The following COG1 variants were observed in gnomAD, a reference collection of about 807,000 sequenced individuals.
COG1 encodes component of oligomeric golgi complex 1.
In COG1, 61 loss-of-function variants were observed where a neutral mutation model predicts 102.2. The ratio of observed to expected loss-of-function variants is 0.60; its 90% confidence interval spans 0.49 to 0.74. COG1 has a LOEUF of 0.74. COG1 is among the 30% of genes least tolerant of loss of function. The probability of loss-of-function intolerance (pLI) is 0.00; values close to 1 mark genes in which losing one functional copy is unlikely to be tolerated. For synonymous variants in COG1, 454 were observed against 493.6 expected (o/e 0.92, Z 1.06); for missense variants, 1,164 against 1,232.1 (o/e 0.94, Z 0.83).
In COG1 at chr17:73,200,635, G is replaced by A. The variant is rs775588977; in HGVS notation, c.1140G>A (p.Ala380=). ...LMYVKSMKGL[A]GIRDAMWELL... The stretch of plus-strand genomic sequence containing the variant: ...ACGTGAAGAGCATGAAGGGTCTCGC[G>A]GGAATCCGGGACGCCATGTGGGAGT... The change falls in exon 6 of 14, where the codon GCG becomes GCA. Residue 380 remains alanine (A), a synonymous_variant. Transcript: ENST00000299886. 1.3e-5 allele frequency: 21 copies of A among 1,614,020 alleles called. No homozygotes were observed. In the East Asian group the frequency reaches 2.9e-4, roughly 22 times the overall value.
rs1026130 is a variant in COG1, at chr17:73,201,061, T to C, written c.1282-48T>C. Reference sequence around the variant, plus strand: ...ACCATTTGGTACTTTTGTTTTGAAATGTCCTTAAAGGAACTGTGATTAGAA... The same window carrying C: ...ACCATTTGGTACTTTTGTTTTGAAACGTCCTTAAAGGAACTGTGATTAGAA... On this transcript the variant is annotated intron_variant, in intron 6 of 13. Transcript: ENST00000299886. 1,545,538 of 1,550,764 alleles carry C rather than the reference T, an allele frequency of 1. 770,302 individuals carry two copies. The highest frequency in any genetic ancestry group is 1 in the Non-Finnish European group (1,125,251 of 1,125,318).
chr17:73,197,313 C>A lies in COG1; in HGVS notation c.830C>A (p.Pro277Gln), dbSNP rs1555724840. The change falls in exon 4 of 14, where the codon CCA becomes CAA. Residue 277 changes from proline to glutamine, a missense_variant. Transcript: ENST00000299886. The stretch of plus-strand genomic sequence containing the variant: ...GCTCATGCCCTTTTCTACACTTTGC[C>A]AGAAGGACTGCTGCCAGATCCAGCC... The part of the protein sequence containing the change: ...KQAHALFYTL[P>Q]EGLLPDPALP... 4.3e-6 allele frequency: 7 copies of A among 1,614,204 alleles called. No homozygotes were observed. The highest frequency in any genetic ancestry group is 5.9e-6 in the Non-Finnish European group (7 of 1,180,038).
At chr17:73,202,299 A>G (rs2061350540) in intron 7 of COG1, among the ~76,000 whole-genome samples, 1 of 152,066 alleles carries the variant, frequency 6.6e-6, no homozygotes, top group Admixed American at 6.5e-5. Flanking sequence ...AGATCGCACC[A>G]CTGCACTCTA....
chr17:73,201,192 C>A lies in COG1; in HGVS notation c.1365C>A (p.Ser455Arg), dbSNP rs745305711. Residue 455 changes from serine (S) to arginine (R), a missense_variant, in exon 7 of 14, where the codon AGC becomes AGA. By Grantham distance (110) the Ser-to-Arg change is moderately radical. Coordinates refer to ENST00000299886, the MANE Select transcript of COG1 (RefSeq NM_018714.3). ...LVSALQELES[S>R]TSNSPSNKHI... ...CAGCTTTGCAGGAACTTGAAAGCAG[C>A]ACCAGCAACTCCCCTTCAAATAAGC... 10 of 1,614,056 alleles carry A rather than the reference C, an allele frequency of 6.2e-6. No homozygotes were observed. Among genetic ancestry groups the A allele is most frequent in the Non-Finnish European group, 8.5e-6 (10 of 1,180,018 alleles).
chr17:73,205,326 CT>C, intron 9 of COG1: 7 of 541,082 alleles, frequency 1.3e-5, no homozygotes, highest in Admixed American at 3.1e-5. Flanking sequence ...CATCTGAGGC[CT>C]TTTTTAAGGG....
At chr17:73,200,219 A>C (rs1336991910) in intron 5 of COG1, among the ~76,000 whole-genome samples, 198 bp downstream of exon 5, 1 of 152,210 alleles carries the variant, frequency 6.6e-6, no homozygotes, top group Non-Finnish European at 1.5e-5. Context: ...ACCAAGAAGG[A>C]ATTTGTCTTT....
intron 6 of COG1, 121 bp downstream of exon 6, chr17:73,200,897 G>T: frequency 9.7e-7 from 1 of 1,033,304 alleles, no homozygotes; most frequent in Middle Eastern, 2.9e-4. Context: ...AACAGATCCA[G>T]AGTCTAGAGC....
chr17:73,199,190 G>C (rs1031495330), intron 4 of COG1, among the ~76,000 whole-genome samples: 1 of 152,202 alleles, frequency 6.6e-6, no homozygotes, highest in African/African-American at 2.4e-5. Flanking sequence ...GGTCACCTCT[G>C]AAGAGCTATG....
At chr17:73,195,631 AG>A (rs538321761) in intron 1 of COG1, among the ~76,000 whole-genome samples, 1 of 150,270 alleles carries the variant, frequency 6.7e-6, no homozygotes. Flanking sequence ...AAAAAAAAAA[AG>A]GCTGGGCGCG....
Position 73,200,097 on chromosome 17 carries a change from C to T in COG1, c.1070+76C>T, listed in dbSNP as rs149363196. The T allele has an allele frequency of 3.9e-3, 5,926 of 1,508,950 alleles. 24 individuals carry two copies. Among genetic ancestry groups the T allele is most frequent in the Non-Finnish European group, 4.7e-3 (5,165 of 1,107,362 alleles). The allele number at this position is 1,508,950 out of a possible 1,614,324, so 93.5% of individuals were successfully genotyped here. ...GCCTTGTACGGGGCATTACAAGGGT[C>T]AGCGAGGCATGTGCAGAAAGCCTGT... On this transcript the variant is annotated intron_variant, in intron 5 of 13. Transcript: ENST00000299886.
intron 11 of COG1, 144 bp downstream of exon 11, chr17:73,206,406 C>T (rs943002930): frequency 6.9e-5 from 53 of 763,254 alleles, no homozygotes; most frequent in South Asian, 1.0e-4. Context: ...GTTATAAGGA[C>T]TGAAAGAGGA....
At position 73,205,560 on chromosome 17, in the gene COG1, G is replaced by T; in HGVS notation, c.2390G>T (p.Gly797Val). 1 of 1,614,138 alleles carries T rather than the reference G, an allele frequency of 6.2e-7. No homozygotes were observed. Among genetic ancestry groups the T allele is most frequent in the African/African-American group, 1.3e-5 (1 of 75,036 alleles). ...CTGGGAATTCATTTGCAGAAAGAAG[G>T]TGCATTTCCAGTCACCCAGAACCGG... ...LSEEKQIKKE[G>V]AFPVTQNRAL... The change falls in exon 10 of 14, where the codon GGT becomes GTT. Residue 797 changes from glycine to valine, a missense_variant. Physicochemically the swap from Gly to Val is moderately radical, Grantham distance 109 (BLOSUM62 -3). Coordinates refer to ENST00000299886, the MANE Select transcript of COG1 (RefSeq NM_018714.3).
In COG1 at chr17:73,208,031, G is replaced by A. The variant is rs936133127; in HGVS notation, c.2806-283G>A. The A allele has an allele frequency of 8.2e-6, 11 of 1,338,604 alleles. No individual in the cohort carries two copies. In the Admixed American group the frequency reaches 2.8e-4, roughly 34 times the overall value. The allele number at this position is 1,338,604 out of a possible 1,614,324, so 82.9% of individuals were successfully genotyped here. A position where few individuals can be genotyped will look rare whatever the true frequency, so the allele number is the denominator to read the frequency against. On this transcript the variant is annotated intron_variant, in intron 13 of 13. Coordinates refer to ENST00000299886, the MANE Select transcript of COG1 (RefSeq NM_018714.3). ...CAGTTTCCACTGCAGTGATCTTTCA[G>A]TTCTGCCCACATTAGGTTAGCAGGC...
Position 73,200,683 on chromosome 17 carries a change from T to C in COG1, c.1188T>C (p.Asn396=). The part of the protein sequence containing the change: ...MWELLTNEST[N]HSWDVLCRRL... ...AGTTACTTACCAATGAGTCCACCAATCACAGCTGGGATGTGCTATGTCGGC... is the reference window on the plus strand; with the variant it reads ...AGTTACTTACCAATGAGTCCACCAACCACAGCTGGGATGTGCTATGTCGGC... The change falls in exon 6 of 14, where the codon AAT becomes AAC. Residue 396 remains asparagine (N), a synonymous_variant. Transcript: ENST00000299886. 1 of 1,614,150 alleles carries C rather than the reference T, an allele frequency of 6.2e-7. No individual in the cohort carries two copies. The highest frequency in any genetic ancestry group is 8.5e-7 in the Non-Finnish European group (1 of 1,180,016).
intron 12 of COG1, 77 bp from the exon 13 acceptor site, chr17:73,207,104 A>AAAAAAAAAAAAAAAAAAC (rs2061379567): frequency 8.0e-7 from 1 of 1,255,880 alleles, no homozygotes; most frequent in Admixed American, 2.1e-5. Flanking sequence ...AAAAAAAAAA[A>AAAAAAAAAAAAAAAAAAC]AAAAAAAAAA....
intron 13 of COG1, 38 bp downstream of exon 13, chr17:73,207,294 TCC>T: frequency 6.3e-7 from 1 of 1,581,684 alleles, no homozygotes; most frequent in South Asian, 1.1e-5. Flanking sequence ...CGTGGATGGG[TCC>T]CCACCTCCCA....
Position 73,207,318 on chromosome 17 carries a change from A to G in COG1, c.2805+62A>G, listed in dbSNP as rs748072268. The G allele has an allele frequency of 2.5e-5, 35 of 1,415,930 alleles. 1 individual carries two copies. The South Asian group carries it at 3.6e-4, about 14-fold the overall frequency. 87.7% of individuals were successfully genotyped at this position (1,415,930 alleles called of 1,614,324 possible). On this transcript the variant is annotated intron_variant, in intron 13 of 13. Transcript: ENST00000299886. ...GTCCCCACCTCCCACCGAGCCACCC[A>G]TGATCAGCTCCCTTTTAAATAACTG...
At chr17:73,205,821 G>C in intron 10 of COG1, 141 bp downstream of exon 10, 2 of 1,087,472 alleles carry the variant, frequency 1.8e-6, no homozygotes, top group Admixed American at 3.5e-5. Context: ...CATATTGCCA[G>C]CAAGTTAAAT....
chr17:73,201,766 A>C lies in COG1; in HGVS notation c.1939A>C (p.Arg647=). 1 of 1,614,230 alleles carries C rather than the reference A, an allele frequency of 6.2e-7. No individual in the cohort carries two copies. The highest frequency in any genetic ancestry group is 8.5e-7 in the Non-Finnish European group (1 of 1,180,036). ...CTCAGAGAAACCAGCAAGGGAGTTT[A>C]GGGCTCTGAGAAAACAGGGAAAGGT... The part of the protein sequence containing the change: ...ESSEKPAREF[R]ALRKQGKVKT... Residue 647 remains arginine, a synonymous_variant, in exon 7 of 14, where the codon AGG becomes CGG. Transcript: ENST00000299886.
Sources: allele counts gnomAD v4.1 joint callset (sites outside exome capture counted in the v4.1 genomes callset), GRCh38; gene constraint gnomAD v4.1.1; transcripts MANE v1.5; gene names NCBI Gene and HGNC (gene_info 2026-07-23, HGNC 2026-07-21).